The following CHCT1 variants were observed in gnomAD, a reference collection of about 807,000 sequenced individuals.
CHCT1 encodes CHD1 helical C-terminal domain containing protein 1.
At chr17:60,421,666 G>A in the CHCT1 span, 1 of 913,008 alleles carries the variant, frequency 1.1e-6, no homozygotes, top group Non-Finnish European at 1.3e-6. Flanking sequence ...CTGCTGCCGC[G>A]CCAGGGGCGA....
the CHCT1 span, chr17:60,421,440 C>T: frequency 2.0e-6 from 2 of 985,566 alleles, no homozygotes; most frequent in Non-Finnish European, 2.4e-6. Flanking sequence ...CCCGGGCCGA[C>T]GGCGGTCCCA....
At chr17:60,421,390 C>G in the CHCT1 span, 1 of 985,624 alleles carries the variant, frequency 1.0e-6, no homozygotes, top group Non-Finnish European at 1.2e-6. Flanking sequence ...CGCTATGCCC[C>G]TCTCCTGTGC....
chr17:60,427,156 C>T, the CHCT1 span, among the ~76,000 whole-genome samples: 1 of 152,202 alleles, frequency 6.6e-6, no homozygotes, highest in African/African-American at 2.4e-5. Flanking sequence ...AGGCACTCCT[C>T]CTTGTGGAGC....
At chr17:60,429,272 T>C in the CHCT1 span, 118 of 1,384,016 alleles carry the variant, frequency 8.5e-5, no homozygotes, top group Non-Finnish European at 1.0e-4. Flanking sequence ...AGGCAGACCT[T>C]AGCATTTCTC....
At chr17:60,425,087 T>C in the CHCT1 span, among the ~76,000 whole-genome samples, 32,634 of 152,072 alleles carry the variant, frequency 0.21, 8,682 homozygotes, top group African/African-American at 0.63. Context: ...ATCCCCCGAC[T>C]CTGACCAATC....
chr17:60,425,929 G>A, the CHCT1 span: 19 of 1,483,378 alleles, frequency 1.3e-5, no homozygotes, highest in East Asian at 4.7e-4. Context: ...TTTCCCCATT[G>A]GTCAGGAGGC....
At chr17:60,426,254 CA>C in the CHCT1 span, 1 of 1,552,022 alleles carries the variant, frequency 6.4e-7, no homozygotes, top group Non-Finnish European at 8.7e-7. Context: ...GTACATGAAG[CA>C]GAGCCTTGTG....
At chr17:60,426,803 C>G in the CHCT1 span, 1 of 1,604,884 alleles carries the variant, frequency 6.2e-7, no homozygotes, top group Non-Finnish European at 8.5e-7. Flanking sequence ...GAGCAGCCAG[C>G]CGGCCAAGTT....
chr17:60,421,732 C>T, the CHCT1 span: 33 of 798,482 alleles, frequency 4.1e-5, 1 homozygote, highest in South Asian at 1.5e-3. Flanking sequence ...TCAGACTACA[C>T]CCGGACTCTG....
chr17:60,430,981 C>G, the CHCT1 span, among the ~76,000 whole-genome samples: 222 of 152,300 alleles, frequency 1.5e-3, 1 homozygote, highest in African/African-American at 5.1e-3. Context: ...ACCTGGGTGA[C>G]AGTCCTCATC....
the CHCT1 span, chr17:60,429,452 C>T: frequency 6.2e-7 from 1 of 1,614,246 alleles, no homozygotes; most frequent in Admixed American, 1.7e-5. Context: ...ATGGGGGCTG[C>T]ACAGCAACAT....
the CHCT1 span, among the ~76,000 whole-genome samples, chr17:60,427,150 A>C: frequency 1.3e-5 from 2 of 152,014 alleles, no homozygotes; most frequent in African/African-American, 4.8e-5. Context: ...CAGCAGAGGC[A>C]CTCCTCCTTG....
the CHCT1 span, chr17:60,426,300 A>T: frequency 1.3e-6 from 2 of 1,551,680 alleles, no homozygotes; most frequent in Non-Finnish European, 1.7e-6. Context: ...TTTCTGCAGC[A>T]TTACTGCCAA....
the CHCT1 span, among the ~76,000 whole-genome samples, chr17:60,430,267 G>A: frequency 2.1e-4 from 31 of 150,988 alleles, no homozygotes; most frequent in Admixed American, 5.3e-4. Context: ...AACAGGACTC[G>A]AAAGTCTTCA....
chr17:60,426,706 C>G, the CHCT1 span: 3 of 1,606,990 alleles, frequency 1.9e-6, no homozygotes, highest in Non-Finnish European at 2.5e-6. Context: ...CCTAGGGTCT[C>G]CCCCTTTGCA....
At chr17:60,431,328 C>A in the CHCT1 span, 4 of 1,165,624 alleles carry the variant, frequency 3.4e-6, no homozygotes, top group African/African-American at 1.7e-5. Flanking sequence ...GAATGGAGAC[C>A]AAAAAGGGAA....
the CHCT1 span, chr17:60,426,315 G>A: frequency 6.4e-7 from 1 of 1,551,280 alleles, no homozygotes; most frequent in Admixed American, 2.0e-5. Context: ...TGCCAAGCCT[G>A]GGAAATCAAA....
chr17:60,426,214 C>A, the CHCT1 span: 1 of 1,551,832 alleles, frequency 6.4e-7, no homozygotes, highest in African/African-American at 1.4e-5. Flanking sequence ...TGCACCTGCC[C>A]AGGGACCTTC....
At chr17:60,429,483 T>A in the CHCT1 span, 1 of 1,614,264 alleles carries the variant, frequency 6.2e-7, no homozygotes, top group Non-Finnish European at 8.5e-7. Flanking sequence ...AAGGAGCGGC[T>A]GTCCAACATG....
Sources: gnomAD v4.1 joint callset for allele counts (sites outside exome capture counted in the v4.1 genomes callset) on GRCh38, gnomAD v4.1.1 for gene constraint, MANE v1.5 for transcripts, NCBI Gene and HGNC (gene_info 2026-07-23, HGNC 2026-07-21) for gene names.